NXNL2: variants seen among roughly 807,000 people sequenced by gnomAD.
NXNL2 encodes nucleoredoxin-like protein 2.
Under a neutral mutation model 11.1 loss-of-function variants are expected in NXNL2, and 7 were observed. The ratio of observed to expected loss-of-function variants is 0.63; its 90% confidence interval spans 0.36 to 1.18. NXNL2 has a LOEUF of 1.18. NXNL2 is among the 50% of genes most tolerant of loss of function. NXNL2 has a pLI of 0.02. For synonymous variants in NXNL2, 109 were observed against 101.8 expected, an observed-to-expected ratio of 1.07 and a Z score of -0.42; for missense variants, 233 against 217.7, an observed-to-expected ratio of 1.07 and a Z score of -0.44.
At chr9:88,581,960 G>A (rs2118561150) in intron 1 of NXNL2, among the ~76,000 whole-genome samples, 2 of 152,296 alleles carry the variant, frequency 1.3e-5, no homozygotes, top group East Asian at 3.9e-4. Context: ...TGCAGCCCAT[G>A]GAGAGGAGTG....
At chr9:88,578,821 T>C (rs978741161), downstream of NXNL2, among the ~76,000 whole-genome samples, 5 of 152,218 alleles carry the variant, frequency 3.3e-5, no homozygotes, top group African/African-American at 9.6e-5. Flanking sequence ...CTGGACTCCA[T>C]ACAGGGAACT....
intron 1 of NXNL2, among the ~76,000 whole-genome samples, chr9:88,541,845 A>G (rs1564067156): frequency 6.6e-6 from 1 of 152,202 alleles, no homozygotes; most frequent in African/African-American, 2.4e-5. Context: ...GATTTGTAGT[A>G]TATTCCATAT....
downstream of NXNL2, among the ~76,000 whole-genome samples, chr9:88,577,699 C>T (rs549221888): frequency 1.3e-5 from 2 of 152,246 alleles, no homozygotes; most frequent in Middle Eastern, 3.4e-3. Flanking sequence ...TCTAAGGATG[C>T]ATCGTCATAT....
rs186503446 is a variant in NXNL2 at position 88,566,822 on chromosome 9, G to A, written c.303-4265G>A. ...TCAAGTCTTTCATCTTTTTAGTTAC[G>A]TTTATTCCTAAGTATTTTATTTCTT... On this transcript the variant is annotated intron_variant, in intron 1 of 2. Coordinates refer to the NXNL2 transcript ENST00000375855. 2.4e-3 allele frequency among the ~76,000 whole-genome samples: 367 copies of A among 152,016 alleles called. 3 individuals carry two copies. The highest frequency in any genetic ancestry group is 0.012 in the Admixed American group (187 of 15,258).
chr9:88,568,490 C>T (rs186165340), intron 1 of NXNL2, among the ~76,000 whole-genome samples: 3 of 152,300 alleles, frequency 2.0e-5, no homozygotes, highest in Admixed American at 6.5e-5. Flanking sequence ...CACTGGGCCC[C>T]CCAGGGGATC....
intron 1 of NXNL2, among the ~76,000 whole-genome samples, chr9:88,542,874 TAGG>T (rs1829788834): frequency 6.6e-6 from 1 of 152,116 alleles, no homozygotes; most frequent in Admixed American, 6.5e-5. Context: ...GATTTGCTAA[TAGG>T]AGGGTCTCAA....
At chr9:88,542,124 T>C (rs1829774011) in intron 1 of NXNL2, among the ~76,000 whole-genome samples, 2 of 151,190 alleles carry the variant, frequency 1.3e-5, no homozygotes, top group Non-Finnish European at 2.9e-5. Flanking sequence ...TCCCAGCTAC[T>C]CGGGAGGCTG....
chr9:88,548,086 C>T (rs1047777470), downstream of NXNL2, among the ~76,000 whole-genome samples: 30 of 146,266 alleles, frequency 2.1e-4, no homozygotes, highest in African/African-American at 7.3e-4. Context: ...CGCCTGTAAT[C>T]CCAGCACTTT....
intron 1 of NXNL2, among the ~76,000 whole-genome samples, chr9:88,570,934 G>C (rs1033307680): frequency 6.6e-6 from 1 of 151,872 alleles, no homozygotes; most frequent in Non-Finnish European, 1.5e-5. Context: ...GTAGAGACAG[G>C]GTTTCACCAT....
At chr9:88,540,925 A>G (rs1275932779) in intron 1 of NXNL2, among the ~76,000 whole-genome samples, 6 of 139,286 alleles carry the variant, frequency 4.3e-5, no homozygotes, top group Non-Finnish European at 9.1e-5. Flanking sequence ...TCCTTGCTCA[A>G]TCTCAGTAGA....
At chr9:88,564,333 T>A (rs1330067916) in intron 1 of NXNL2, among the ~76,000 whole-genome samples, 1 of 150,748 alleles carries the variant, frequency 6.6e-6, no homozygotes, top group Non-Finnish European at 1.5e-5. Flanking sequence ...ATCGTCTATT[T>A]ATAGCTATCA....
intron 1 of NXNL2, among the ~76,000 whole-genome samples, chr9:88,560,664 G>A (rs1269281480): frequency 6.6e-6 from 1 of 152,150 alleles, no homozygotes; most frequent in Non-Finnish European, 1.5e-5. Context: ...TGCTATTGTG[G>A]ATGCTGAGGT....
chr9:88,584,119 A>C (rs567897180), exon 2 of NXNL2: 1 of 152,356 alleles, frequency 6.6e-6, no homozygotes, highest in South Asian at 2.1e-4. Flanking sequence ...CACTGGGAAG[A>C]AGCTGGTGGA....
At chr9:88,576,176 T>C (rs1830346069), downstream of NXNL2, among the ~76,000 whole-genome samples, 1 of 152,194 alleles carries the variant, frequency 6.6e-6, no homozygotes, top group East Asian at 1.9e-4. Flanking sequence ...GCCTGGGCGA[T>C]GGAGCGAGAC....
At chr9:88,556,676 G>C (rs991839378) in intron 1 of NXNL2, among the ~76,000 whole-genome samples, 9 of 152,140 alleles carry the variant, frequency 5.9e-5, no homozygotes, top group Non-Finnish European at 1.2e-4. Context: ...TTGAAGATCA[G>C]GTTTCATTGG....
chr9:88,548,035 A>G (rs1363497087), downstream of NXNL2, among the ~76,000 whole-genome samples: 3 of 147,976 alleles, frequency 2.0e-5, no homozygotes, highest in Admixed American at 2.0e-4. Flanking sequence ...AAATAAAGAA[A>G]AAAGAATGAT....
chr9:88,569,486 T>C (rs556147367), intron 1 of NXNL2, among the ~76,000 whole-genome samples: 8 of 152,374 alleles, frequency 5.3e-5, no homozygotes, highest in Admixed American at 4.6e-4. Context: ...CCTTCCTTAG[T>C]ATAATTTTTC....
intron 1 of NXNL2, among the ~76,000 whole-genome samples, chr9:88,560,061 G>C (rs1229374124): frequency 2.0e-5 from 3 of 152,120 alleles, no homozygotes; most frequent in Non-Finnish European, 2.9e-5. Flanking sequence ...TTTTCCCTGG[G>C]AATAATTGCA....
intron 1 of NXNL2, among the ~76,000 whole-genome samples, chr9:88,555,772 C>T (rs1457793303): frequency 6.6e-6 from 1 of 152,210 alleles, no homozygotes; most frequent in Non-Finnish European, 1.5e-5. Flanking sequence ...TCCCACTTAG[C>T]CTGGCGGGCT....
Sources: gnomAD v4.1 joint callset for allele counts (sites outside exome capture counted in the v4.1 genomes callset) on GRCh38, gnomAD v4.1.1 for gene constraint, MANE v1.5 for transcripts, NCBI Gene and HGNC (gene_info 2026-07-23, HGNC 2026-07-21) for gene names.